CYRIB: variants seen among roughly 807,000 people sequenced by gnomAD.
CYRIB encodes CYFIP-related Rac1 interactor B.
A neutral mutation model predicts 44.2 loss-of-function variants in CYRIB; 8 were observed. That is an observed-to-expected ratio of 0.18 (90% CI 0.11 to 0.33). The LOEUF (loss-of-function observed/expected upper bound fraction) is 0.33. Among genes scored for constraint, CYRIB ranks in the 10% least tolerant of loss-of-function variants. The probability of loss-of-function intolerance (pLI) is 1.00; values close to 1 mark genes in which losing one functional copy is unlikely to be tolerated. For synonymous variants in CYRIB, 131 were observed against 127.2 expected (o/e 1.03, Z -0.20); for missense variants, 185 against 382.8 (o/e 0.48, Z 4.31).
intron 1 of CYRIB, among the ~76,000 whole-genome samples, chr8:129,991,063 T>C (rs1192344714): frequency 7.5e-6 from 1 of 133,288 alleles, no homozygotes; most frequent in African/African-American, 3.0e-5. Flanking sequence ...GCCCAGGAGG[T>C]GAGGGTTGCA....
chr8:129,942,860 T>G (rs867809278), upstream of CYRIB, among the ~76,000 whole-genome samples: 2 of 152,208 alleles, frequency 1.3e-5, no homozygotes, highest in African/African-American at 4.8e-5. Context: ...ACTCCGTATG[T>G]GACAGATGCA....
At chr8:130,012,544 T>C (rs181552032) in intron 1 of CYRIB, among the ~76,000 whole-genome samples, 1 of 152,132 alleles carries the variant, frequency 6.6e-6, no homozygotes, top group African/African-American at 2.4e-5. Context: ...CTAGGTGCCA[T>C]GCTCTCTGCT....
At chr8:129,953,878 T>C (rs1254510402) in intron 2 of CYRIB, among the ~76,000 whole-genome samples, 1 of 152,168 alleles carries the variant, frequency 6.6e-6, no homozygotes, top group Admixed American at 6.5e-5. Context: ...TACAGAGATT[T>C]AGACAGAATG....
chr8:129,919,535 G>A (rs1589757788), intron 1 of CYRIB, among the ~76,000 whole-genome samples: 2 of 152,102 alleles, frequency 1.3e-5, no homozygotes, highest in African/African-American at 4.8e-5. Flanking sequence ...CTGGAGTTCT[G>A]TGGTTAAACT....
chr8:129,868,663 T>C (rs985161145), intron 4 of CYRIB: 2 of 152,086 alleles, frequency 1.3e-5, no homozygotes, highest in Non-Finnish European at 2.9e-5. Context: ...TCTTTGGTCA[T>C]AGCATTACGA....
chr8:129,872,164 T>G (rs1176233642), intron 3 of CYRIB, among the ~76,000 whole-genome samples: 4 of 152,112 alleles, frequency 2.6e-5, no homozygotes, highest in African/African-American at 9.7e-5. Context: ...AAGAATCCTG[T>G]GCAGAGGATT....
chr8:129,974,696 TAA>T (rs761290436), intron 1 of CYRIB, among the ~76,000 whole-genome samples: 14 of 135,000 alleles, frequency 1.0e-4, no homozygotes, highest in Non-Finnish European at 1.1e-4. Context: ...TTACTAGAAG[TAA>T]AAAAAAAAAA....
rs570973591 is a variant in CYRIB, at chr8:129,974,327, G to C, written c.-295-3332C>G. On this transcript the variant is annotated intron_variant, in intron 1 of 14. Transcript: ENST00000401979. ...GGAGCAAAACATCGCTTAAATGGAAGCCTATCTATCACCCCTACCAGAAAC... is the reference window on the plus strand; with the variant it reads ...GGAGCAAAACATCGCTTAAATGGAACCCTATCTATCACCCCTACCAGAAAC... 1.3e-4 allele frequency among the ~76,000 whole-genome samples: 20 copies of C among 152,248 alleles called. No homozygotes were observed. In the South Asian group the frequency reaches 3.9e-3, roughly 30 times the overall value.
intron 3 of CYRIB, among the ~76,000 whole-genome samples, chr8:129,873,798 G>T (rs1036831213): frequency 2.6e-5 from 4 of 151,918 alleles, no homozygotes; most frequent in Admixed American, 2.6e-4. Context: ...ACTAGTAAAG[G>T]TTTAATAAGT....
At chr8:129,892,252 A>C (rs2065753850) in intron 2 of CYRIB, among the ~76,000 whole-genome samples, 1 of 152,232 alleles carries the variant, frequency 6.6e-6, no homozygotes, top group African/African-American at 2.4e-5. Flanking sequence ...AATATGATGG[A>C]AATATGCAAA....
At chr8:129,951,403 G>A (rs543314540) in intron 2 of CYRIB, among the ~76,000 whole-genome samples, 2 of 152,086 alleles carry the variant, frequency 1.3e-5, no homozygotes, top group East Asian at 3.9e-4. Flanking sequence ...TACAACTGAG[G>A]ACATAAGAAA....
intron 2 of CYRIB, among the ~76,000 whole-genome samples, chr8:129,893,783 C>A (rs1184287290): frequency 2.0e-5 from 3 of 151,642 alleles, no homozygotes; most frequent in Admixed American, 6.6e-5. Flanking sequence ...GATCCTTCCA[C>A]CTCTGACTTC....
At chr8:129,883,112 CAAAAAAAAAA>C (rs34764499) in intron 2 of CYRIB, among the ~76,000 whole-genome samples, 782 of 41,294 alleles carry the variant, frequency 0.019, 12 homozygotes, top group Middle Eastern at 0.053. Context: ...GACTCCCTCT[CAAAAAAAAAA>C]AAAAAAAAAA....
intron 2 of CYRIB, among the ~76,000 whole-genome samples, chr8:129,957,849 C>T (rs1428953195): frequency 6.6e-6 from 1 of 151,474 alleles, no homozygotes; most frequent in African/African-American, 2.4e-5. Flanking sequence ...CCTATAGTCC[C>T]AGCTACTTAG....
intron 1 of CYRIB, among the ~76,000 whole-genome samples, chr8:129,981,576 T>G (rs2132703970): frequency 6.6e-6 from 1 of 152,336 alleles, no homozygotes; most frequent in South Asian, 2.1e-4. Flanking sequence ...TAAGGATGTA[T>G]CACTTTTAAA....
chr8:129,941,430 T>C (rs2093694327), upstream of CYRIB, among the ~76,000 whole-genome samples: 1 of 151,910 alleles, frequency 6.6e-6, no homozygotes, highest in South Asian at 2.1e-4. Context: ...CACACCACCA[T>C]GCCTGGCTAA....
intron 4 of CYRIB, among the ~76,000 whole-genome samples, chr8:129,869,278 C>T (rs1327901269): frequency 4.8e-5 from 7 of 145,286 alleles, no homozygotes; most frequent in Admixed American, 4.3e-4. Context: ...CCCAGCTACT[C>T]GGGAGGCTGA....
At chr8:129,898,936 C>T (rs868832727) in intron 2 of CYRIB, among the ~76,000 whole-genome samples, 10 of 152,104 alleles carry the variant, frequency 6.6e-5, no homozygotes, top group Middle Eastern at 3.4e-3. Context: ...AGGATCTCGG[C>T]TCACTGCAAC....
chr8:129,921,487 ACT>A (rs1325515533), intron 1 of CYRIB, among the ~76,000 whole-genome samples: 1 of 152,152 alleles, frequency 6.6e-6, no homozygotes. Flanking sequence ...ACAAGGTCTC[ACT>A]CTCTCGCCTA....
Sources: allele counts gnomAD v4.1 joint callset (sites outside exome capture counted in the v4.1 genomes callset), GRCh38; gene constraint gnomAD v4.1.1; transcripts MANE v1.5; gene names NCBI Gene and HGNC (gene_info 2026-07-23, HGNC 2026-07-21).